The following PAX7 variants were observed in gnomAD, a reference collection of about 807,000 sequenced individuals.
PAX7 encodes paired box protein Pax-7.
PAX7 carries 18 observed loss-of-function variants against 50.7 expected under a neutral mutation model. The observed-to-expected ratio is 0.36, with a 90% confidence interval of 0.25 to 0.53. The LOEUF (loss-of-function observed/expected upper bound fraction) is 0.53, where lower values mean the gene tolerates loss of function less well. Among genes scored for constraint, PAX7 ranks in the 20% least tolerant of loss-of-function variants. PAX7 has a pLI of 0.93. For synonymous variants in PAX7, 310 were observed against 290.4 expected (o/e 1.07, Z -0.69); for missense variants, 644 against 702.9 (o/e 0.92, Z 0.95).
chr1:18,748,600 T>G lies in PAX7; in HGVS notation c.*3671T>G. On this transcript the variant is annotated 3_prime_UTR_variant, in exon 9 of 9. Transcript: ENST00000420770. ...TAGATCATTCCTTCTTCCTAGTAAC[T>G]GCAACTTTGTTGCTTCTGTGTTTGA... 1 of 232,026 alleles carries G rather than the reference T, an allele frequency of 4.3e-6. No individual in the cohort carries two copies. The highest frequency in any genetic ancestry group is 6.1e-5 in the East Asian group (1 of 16,438). 14.4% of individuals were successfully genotyped at this position (232,026 alleles called of 1,614,324 possible). A position where few individuals can be genotyped will look rare whatever the true frequency, so the allele number is the denominator to read the frequency against.
chr1:18,647,013 G>A (rs2088352945), intron 4 of PAX7, among the ~76,000 whole-genome samples: 1 of 146,028 alleles, frequency 6.8e-6, no homozygotes, highest in Non-Finnish European at 1.5e-5. Context: ...CGGGGATCCC[G>A]GAGGTGGGGT....
rs549280757 is a variant in PAX7, at chr1:18,655,770, G to GGTGTGTGTGTGT, written c.586+19428_586+19439dup. ...AGAGCCACTGGGGAGACTTGGAGAG[G>GGTGTGTGTGTGT]GTGTGTGTGTGTGTGTGTGTGTGTG... On this transcript the variant is annotated intron_variant, in intron 4 of 8. Coordinates refer to ENST00000420770, the MANE Select transcript of PAX7 (RefSeq NM_001135254.2). Among the ~76,000 whole-genome samples, 346 of 143,664 alleles carry GGTGTGTGTGTGT rather than the reference G, an allele frequency of 2.4e-3. 2 individuals are homozygous for GGTGTGTGTGTGT. The highest frequency in any genetic ancestry group is 5.4e-3 in the East Asian group (26 of 4,854). The allele number at this position is 143,664 out of a possible 152,430, so 94.2% of individuals were successfully genotyped here. A position where few individuals can be genotyped will look rare whatever the true frequency, so the allele number is the denominator to read the frequency against.
chr1:18,635,431 G>T (rs1032403459), intron 3 of PAX7, among the ~76,000 whole-genome samples, 191 bp downstream of exon 3: 3 of 150,248 alleles, frequency 2.0e-5, no homozygotes, highest in Non-Finnish European at 4.4e-5. Flanking sequence ...GGAATAAGAT[G>T]GAAAGAAGGA....
intron 7 of PAX7, among the ~76,000 whole-genome samples, chr1:18,724,616 C>CTGCA (rs1469768214): frequency 6.6e-6 from 1 of 152,168 alleles, no homozygotes; most frequent in Non-Finnish European, 1.5e-5. Context: ...TGAGCTGGCC[C>CTGCA]TGCAGCAAGG....
At chr1:18,718,688 G>T (rs2089458704) in intron 7 of PAX7, among the ~76,000 whole-genome samples, 1 of 151,622 alleles carries the variant, frequency 6.6e-6, no homozygotes, top group African/African-American at 2.4e-5. Context: ...GTGTCGCCAG[G>T]CTGGAGTTCA....
chr1:18,640,900 G>A (rs1183374459), intron 4 of PAX7, among the ~76,000 whole-genome samples: 2 of 151,718 alleles, frequency 1.3e-5, no homozygotes, highest in African/African-American at 4.8e-5. Context: ...ACGTCCCGGC[G>A]GAGGGGGCTC....
chr1:18,679,052 C>T (rs2088861748), intron 4 of PAX7, among the ~76,000 whole-genome samples: 1 of 152,152 alleles, frequency 6.6e-6, no homozygotes, highest in South Asian at 2.1e-4. Context: ...TGATTTGCTA[C>T]AGGAAAGGTG....
intron 5 of PAX7, among the ~76,000 whole-genome samples, chr1:18,693,572 G>A (rs1314770397): frequency 2.6e-5 from 4 of 152,162 alleles, no homozygotes; most frequent in Non-Finnish European, 4.4e-5. Context: ...AGGACCCAGC[G>A]GACACCCCTC....
intron 5 of PAX7, among the ~76,000 whole-genome samples, chr1:18,694,405 G>A (rs1361483928): frequency 3.3e-5 from 5 of 151,764 alleles, no homozygotes; most frequent in Admixed American, 6.6e-5. Context: ...GTTGCAGTGA[G>A]CCGAGATCAT....
intron 7 of PAX7, among the ~76,000 whole-genome samples, chr1:18,729,841 C>G (rs2089624163): frequency 6.6e-6 from 1 of 152,158 alleles, no homozygotes; most frequent in South Asian, 2.1e-4. Flanking sequence ...TGTGCAGGCC[C>G]CAGCTTCTGC....
intron 4 of PAX7, among the ~76,000 whole-genome samples, chr1:18,639,993 G>C (rs1423033919): frequency 6.6e-6 from 1 of 151,596 alleles, no homozygotes; most frequent in Non-Finnish European, 1.5e-5. Context: ...GGGACGGGGC[G>C]GGGGGGAAAT....
In PAX7 at chr1:18,733,658, A is replaced by G. The variant is rs2089675847; in HGVS notation, c.1156-1974A>G. On this transcript the variant is annotated intron_variant, in intron 7 of 8. Coordinates refer to ENST00000420770, the MANE Select transcript of PAX7 (RefSeq NM_001135254.2). ...ACCAGGCAGAGGCTCTGCTCAAGAC[A>G]TTCCAGAGGACCTAAGCTTCCCCCA... Among the ~76,000 whole-genome samples the G allele has an allele frequency of 2.0e-5, 3 of 152,196 alleles. No individual in the cohort carries two copies. The South Asian group carries it at 6.2e-4, about 32-fold the overall frequency.
rs542395551 is a variant in PAX7 at position 18,634,912 on chromosome 1, T to A, written c.322-199T>A. Among the ~76,000 whole-genome samples the A allele has an allele frequency of 2.8e-4, 43 of 152,226 alleles. No individual in the cohort carries two copies. The Middle Eastern group carries it at 0.017, about 60-fold the overall frequency. The stretch of plus-strand genomic sequence containing the variant: ...TATCCATGTCCCACCCCACCCCACC[T>A]GGCCAGACCCCCAGCTGCCTTCCTG... On this transcript the variant is annotated intron_variant, in intron 2 of 8. Coordinates refer to ENST00000420770, the MANE Select transcript of PAX7 (RefSeq NM_001135254.2). This position sits in a 1 kb window ranked among gnomAD's most constrained non-coding sequence, Gnocchi z 4.0.
chr1:18,723,295 T>A (rs530379409), intron 7 of PAX7, among the ~76,000 whole-genome samples: 2 of 152,308 alleles, frequency 1.3e-5, no homozygotes, highest in South Asian at 4.1e-4. Flanking sequence ...CTCTTTGAGA[T>A]GCATTCTTTG....
Position 18,636,443 on chromosome 1 carries a change from C to T in PAX7, c.586+72C>T. 6.6e-7 allele frequency: 1 copy of T among 1,523,942 alleles called. No homozygotes were observed. The highest frequency in any genetic ancestry group is 8.9e-7 in the Non-Finnish European group (1 of 1,125,328). The allele number at this position is 1,523,942 out of a possible 1,614,324, so 94.4% of individuals were successfully genotyped here. A position where few individuals can be genotyped will look rare whatever the true frequency, so the allele number is the denominator to read the frequency against. ...CGCTCCGGTGTGCGGGCCAGTGGTT[C>T]GCTCCCGCCGCCGGAGCAGGCGACC... is the stretch of plus-strand genomic sequence containing the variant. On this transcript the variant is annotated intron_variant, in intron 4 of 8. Transcript: ENST00000420770. The surrounding 1 kb of genome is among the most constrained non-coding windows in gnomAD (Gnocchi z 5.1).
At chr1:18,679,575 C>T (rs1289275034) in intron 4 of PAX7, among the ~76,000 whole-genome samples, 1 of 152,216 alleles carries the variant, frequency 6.6e-6, no homozygotes, top group Non-Finnish European at 1.5e-5. Flanking sequence ...CTGTCTTCCT[C>T]TGGCCCCTTA....
chr1:18,659,047 T>A (rs1004250674), intron 4 of PAX7, among the ~76,000 whole-genome samples: 2 of 152,146 alleles, frequency 1.3e-5, no homozygotes, highest in Non-Finnish European at 2.9e-5. Context: ...TGTGTGCATA[T>A]GTATTTGTGT....
chr1:18,740,243 T>C (rs1315207641), intron 8 of PAX7, among the ~76,000 whole-genome samples: 1 of 152,182 alleles, frequency 6.6e-6, no homozygotes, highest in Non-Finnish European at 1.5e-5. Context: ...TGCAGCCTGT[T>C]GGGTGCCCTT....
chr1:18,654,617 G>C (rs1050271663), intron 4 of PAX7, among the ~76,000 whole-genome samples: 2 of 152,206 alleles, frequency 1.3e-5, no homozygotes, highest in African/African-American at 4.8e-5. Context: ...AACAGCGGGT[G>C]GGCTGCAAGG....
Sources: gnomAD v4.1 joint callset for allele counts (sites outside exome capture counted in the v4.1 genomes callset) on GRCh38, gnomAD v4.1.1 for gene constraint, Gnocchi (gnomAD v3.1) non-coding constraint, MANE v1.5 for transcripts, NCBI Gene and HGNC (gene_info 2026-07-23, HGNC 2026-07-21) for gene names.